CENPQ: variants seen among roughly 807,000 people sequenced by gnomAD.
The protein encoded by CENPQ is chromosome 6 open reading frame 139.
A neutral mutation model predicts 36.6 loss-of-function variants in CENPQ; 27 were observed. The observed-to-expected ratio is 0.74, with a 90% CI of 0.54 to 1.02. The LOEUF is 1.02. Among genes scored for constraint, CENPQ ranks in the 50% least tolerant of loss-of-function variants. The pLI is 0.00. For synonymous variants in CENPQ, 101 were observed against 101.7 expected (o/e 0.99, Z 0.04); for missense variants, 306 against 301.8 (o/e 1.01, Z -0.10).
At chr6:49,477,405 C>T (rs903025874) in intron 5 of CENPQ, among the ~76,000 whole-genome samples, 2 of 126,454 alleles carry the variant, frequency 1.6e-5, no homozygotes, top group African/African-American at 3.2e-5. Context: ...GATCATCACA[C>T]ACCGGGGCCT....
At chr6:49,467,473 A>T (rs1665700953) in intron 1 of CENPQ, among the ~76,000 whole-genome samples, 1 of 152,236 alleles carries the variant, frequency 6.6e-6, no homozygotes, top group Non-Finnish European at 1.5e-5. Context: ...AATTTTCTGT[A>T]AACCTAAAAC....
At chr6:49,491,730 A>G (rs1244875978) in intron 8 of CENPQ, among the ~76,000 whole-genome samples, 1 of 152,220 alleles carries the variant, frequency 6.6e-6, no homozygotes, top group African/African-American at 2.4e-5. Context: ...AGCCTGACCA[A>G]CATGGAGAAA....
intron 8 of CENPQ, 150 bp from the exon 9 acceptor site, chr6:49,491,994 T>G (rs1012269229): frequency 1.8e-5 from 11 of 621,386 alleles, no homozygotes; most frequent in East Asian, 5.9e-5. Context: ...GAGGGAGAGA[T>G]AGATTTGAAA....
chr6:49,472,262 G>T, intron 4 of CENPQ, 79 bp downstream of exon 4: 1 of 1,166,612 alleles, frequency 8.6e-7, no homozygotes, highest in Non-Finnish European at 1.2e-6. Flanking sequence ...TTTAAATATT[G>T]CTATCTATTT....
intron 5 of CENPQ, among the ~76,000 whole-genome samples, chr6:49,479,190 T>C (rs1304513404): frequency 6.6e-6 from 1 of 152,118 alleles, no homozygotes; most frequent in Non-Finnish European, 1.5e-5. Context: ...GCTGCCTACT[T>C]TTTTCTTTAC....
chr6:49,475,227 T>C (rs539780446), intron 5 of CENPQ, among the ~76,000 whole-genome samples: 117 of 152,308 alleles, frequency 7.7e-4, no homozygotes, highest in African/African-American at 2.7e-3. Flanking sequence ...AAAAAGCTTA[T>C]CCACCATGAT....
intron 5 of CENPQ, among the ~76,000 whole-genome samples, chr6:49,473,362 AT>A (rs1354214770): frequency 2.0e-5 from 3 of 152,184 alleles, no homozygotes; most frequent in Admixed American, 6.5e-5. Context: ...ACTGCCTGTG[AT>A]TTTCAATAAT....
At chr6:49,491,658 G>A (rs1378304585) in intron 8 of CENPQ, among the ~76,000 whole-genome samples, 4 of 152,212 alleles carry the variant, frequency 2.6e-5, no homozygotes, top group African/African-American at 2.4e-5. Flanking sequence ...GCTCACACCT[G>A]TAATCCCAGC....
chr6:49,480,703 T>C (rs957576334), intron 5 of CENPQ, among the ~76,000 whole-genome samples: 49 of 152,146 alleles, frequency 3.2e-4, no homozygotes, highest in African/African-American at 1.1e-3. Context: ...ATGTGTAAGA[T>C]AGAAAATTTG....
In CENPQ at chr6:49,493,040, C is replaced by T. The variant is rs1395666442; in HGVS notation, c.*765C>T. On this transcript the variant is annotated 3_prime_UTR_variant, in exon 9 of 9. Coordinates refer to ENST00000335783, the MANE Select transcript of CENPQ (RefSeq NM_018132.4). ...ATAAAAAATTATTTCTAACAAACTACAGTATACTGTCTTGGGTTTTTTTTT... is the reference window on the plus strand; with the variant it reads ...ATAAAAAATTATTTCTAACAAACTATAGTATACTGTCTTGGGTTTTTTTTT... The T allele has an allele frequency of 2.1e-5, 3 of 143,490 alleles. No individual in the cohort carries two copies. The highest frequency in any genetic ancestry group is 2.1e-4 in the East Asian group (1 of 4,838). 8.9% of individuals were successfully genotyped at this position (143,490 alleles called of 1,614,324 possible). A position where few individuals can be genotyped will look rare whatever the true frequency, so the allele number is the denominator to read the frequency against.
chr6:49,470,762 GTTA>G (rs1473971251), intron 2 of CENPQ, among the ~76,000 whole-genome samples: 1 of 151,410 alleles, frequency 6.6e-6, no homozygotes, highest in Non-Finnish European at 1.5e-5. Flanking sequence ...ATAAAATTCT[GTTA>G]TTATCATCAT....
At chr6:49,475,310 CAA>C (rs1261983054) in intron 5 of CENPQ, among the ~76,000 whole-genome samples, 2 of 152,064 alleles carry the variant, frequency 1.3e-5, no homozygotes, top group Non-Finnish European at 2.9e-5. Context: ...TAAACCAAAC[CAA>C]AAACAAAAAC....
intron 5 of CENPQ, among the ~76,000 whole-genome samples, chr6:49,475,783 GACAA>G (rs1248155298): frequency 2.0e-5 from 3 of 152,146 alleles, no homozygotes; most frequent in South Asian, 2.1e-4. Context: ...ACCAATAACA[GACAA>G]ACAGAGAGCC....
At chr6:49,481,401 T>C in intron 6 of CENPQ, among the ~76,000 whole-genome samples, 1 of 152,122 alleles carries the variant, frequency 6.6e-6, no homozygotes, top group African/African-American at 2.4e-5. Context: ...GTGACGTGTC[T>C]GGAATTTGTT....
chr6:49,492,498 G>A lies in CENPQ; in HGVS notation c.*223G>A. ...AATCTAGGAAACTAACATTTATATT[G>A]CTGTATCTATAAGTATTTGCCTAAA... On this transcript the variant is annotated 3_prime_UTR_variant, in exon 9 of 9. Transcript: ENST00000335783. The A allele has an allele frequency of 2.4e-6, 1 of 412,200 alleles. No homozygotes were observed. 25.5% of individuals were successfully genotyped at this position (412,200 alleles called of 1,614,324 possible).
At chr6:49,471,777 T>C (rs1034390626) in intron 3 of CENPQ, among the ~76,000 whole-genome samples, 1 of 152,210 alleles carries the variant, frequency 6.6e-6, no homozygotes, top group Non-Finnish European at 1.5e-5. Context: ...TTTAGGCCAT[T>C]TCTGAGAATG....
chr6:49,470,206 A>G lies in CENPQ; in HGVS notation c.30A>G (p.Lys10=). 2 of 1,611,354 alleles carry G rather than the reference A, an allele frequency of 1.2e-6. No individual in the cohort carries two copies. Among genetic ancestry groups the G allele is most frequent in the Non-Finnish European group, 1.7e-6 (2 of 1,178,386 alleles). ...CTGGTAAAGCAAATGCTTCCAAGAAAAACGCTCAACAGTTAAAAAGAAATC... is the reference window on the plus strand; with the variant it reads ...CTGGTAAAGCAAATGCTTCCAAGAAGAACGCTCAACAGTTAAAAAGAAATC... The part of the protein sequence containing the change: MSGKANASK[K]NAQQLKRNPK... The change falls in exon 2 of 9, where the codon AAA becomes AAG. Residue 10 remains lysine, a synonymous_variant. Coordinates refer to ENST00000335783, the MANE Select transcript of CENPQ (RefSeq NM_018132.4).
intron 5 of CENPQ, among the ~76,000 whole-genome samples, chr6:49,477,637 A>G (rs1768329554): frequency 6.6e-6 from 1 of 152,014 alleles, no homozygotes. Context: ...GACCTATTTT[A>G]AGGAATTCTT....
intron 5 of CENPQ, among the ~76,000 whole-genome samples, chr6:49,476,186 A>G (rs1448099452): frequency 6.6e-6 from 1 of 152,264 alleles, no homozygotes; most frequent in Non-Finnish European, 1.5e-5. Flanking sequence ...TAAAAAGGCT[A>G]TAGTAAACAA....
Sources: gnomAD v4.1 joint callset for allele counts (sites outside exome capture counted in the v4.1 genomes callset) on GRCh38, gnomAD v4.1.1 for gene constraint, MANE v1.5 for transcripts, NCBI Gene and HGNC (gene_info 2026-07-23, HGNC 2026-07-21) for gene names.